Variants in PODXL observed in about 807,000 individuals in gnomAD.
PODXL encodes the protein podocalyxin.
PODXL carries 20 observed loss-of-function variants against 48.9 expected under a neutral mutation model. That is an observed-to-expected ratio of 0.41 (90% CI 0.29 to 0.59). The LOEUF is 0.59. Among genes scored for constraint, PODXL ranks in the 20% least tolerant of loss-of-function variants. PODXL has a pLI of 0.31. For missense variants in PODXL, 606 were observed against 675.1 expected (o/e 0.90, Z 1.13); for synonymous variants, 295 against 287.4 (o/e 1.03, Z -0.27).
In PODXL at chr7:131,505,948, C is replaced by T. The variant is rs769926911; in HGVS notation, c.1399G>A (p.Val467Ile). ...RFSMPLIITIVCMASFLLLVA... is the reference protein window; with the variant it reads ...RFSMPLIITIICMASFLLLVA... ...AGGAGCAGGAATGATGCCATGCAGA[C>T]GATGGTGATGATGAGGGGCATGCTG... The change falls in exon 8 of 9, where the codon GTC (valine) becomes ATC (isoleucine). Residue 467 changes from valine (V) to isoleucine (I), a missense_variant. Physicochemically the swap from Val to Ile is conservative, Grantham distance 29 (BLOSUM62 3). Coordinates refer to ENST00000378555, the MANE Select transcript of PODXL (RefSeq NM_001018111.3). The T allele has an allele frequency of 2.1e-5, 33 of 1,606,448 alleles. No homozygotes were observed. Among genetic ancestry groups the T allele is most frequent in the Admixed American group, 1.0e-4 (6 of 58,722 alleles).
In PODXL at chr7:131,506,055, G is replaced by T; in HGVS notation, c.1312-20C>A. On this transcript the variant is annotated intron_variant, in intron 7 of 8. Transcript: ENST00000378555. ...CCCTGCCTGCATGGGAAGTGGCAGA[G>T]AACAGGCTGGGGGCATCCTCTCTCC... is the stretch of plus-strand genomic sequence containing the variant. 6.2e-7 allele frequency: 1 copy of T among 1,604,438 alleles called. No individual in the cohort carries two copies. The highest frequency in any genetic ancestry group is 8.5e-7 in the Non-Finnish European group (1 of 1,175,006).
At chr7:131,524,347 A>AACACACACACAC (rs1222175582) in intron 1 of PODXL, among the ~76,000 whole-genome samples, 109 of 59,190 alleles carry the variant, frequency 1.8e-3, no homozygotes, top group African/African-American at 4.4e-3. Flanking sequence ...TTCAATAGGA[A>AACACACACACAC]ACACACACAC....
In PODXL at chr7:131,501,676, C is replaced by CT. The variant is rs975125477; in HGVS notation, c.*2634dup. The CT allele has an allele frequency of 2.6e-5, 4 of 152,182 alleles. No homozygotes were observed. The highest frequency in any genetic ancestry group is 9.7e-5 in the African/African-American group (4 of 41,440). 9.4% of individuals were successfully genotyped at this position (152,182 alleles called of 1,614,324 possible). On this transcript the variant is annotated 3_prime_UTR_variant, in exon 9 of 9. Coordinates refer to ENST00000378555, the MANE Select transcript of PODXL (RefSeq NM_001018111.3). ...TACCACTGAAAGAGCTGATGATAAACTGTCTTTGCTACAACCTGTTTAAGT... is the reference window on the plus strand; with the variant it reads ...TACCACTGAAAGAGCTGATGATAAACTTGTCTTTGCTACAACCTGTTTAAGT...
chr7:131,520,187 C>G (rs1050327957), intron 1 of PODXL: 3 of 304,460 alleles, frequency 9.9e-6, no homozygotes, highest in African/African-American at 2.2e-5. Flanking sequence ...CTACCATCAA[C>G]GAGGTGGTGA....
At chr7:131,504,679 C>T (rs1271124288) in intron 8 of PODXL, among the ~76,000 whole-genome samples, 171 bp from the exon 9 acceptor site, 2 of 152,148 alleles carry the variant, frequency 1.3e-5, no homozygotes, top group Admixed American at 1.3e-4. Flanking sequence ...CTCAGCCTGC[C>T]CGGAACTAGT....
At chr7:131,520,129 T>G in intron 1 of PODXL, 1 of 228,040 alleles carries the variant, frequency 4.4e-6, no homozygotes, top group East Asian at 1.2e-4. Context: ...CCAACTTGGG[T>G]GCGGTAAAAT....
chr7:131,506,365 A>G (rs1562902232), intron 6 of PODXL, 44 bp from the exon 7 acceptor site: 10 of 1,600,080 alleles, frequency 6.2e-6, no homozygotes, highest in Non-Finnish European at 8.6e-6. Context: ...GCCCAGAGCG[A>G]GGCAGTGGGG....
At chr7:131,554,012 G>A (rs78453618) in intron 1 of PODXL, among the ~76,000 whole-genome samples, 3,099 of 152,278 alleles carry the variant, frequency 0.02, 51 homozygotes, top group South Asian at 0.042. Flanking sequence ...GTAAGCTGGG[G>A]GAGAGGGGCA....
At position 131,508,972 on chromosome 7, in the gene PODXL, GT is replaced by G; in HGVS notation, c.1079del (p.Asn360ThrfsTer17). On this transcript the variant is annotated frameshift_variant, in exon 5 of 9. Transcript: ENST00000378555. LOFTEE classifies it high-confidence loss of function. ...TCACACAGAGGGTGTTTCCTGTGAG[GT>G]TCAGGACGAGCTGCTTCTCACTCTG... is the stretch of plus-strand genomic sequence containing the variant. ...QTQSEKQLVL[N>X]LTGNTLCAGG... The G allele has an allele frequency of 6.2e-7, 1 of 1,613,814 alleles. No homozygotes were observed. The highest frequency in any genetic ancestry group is 8.5e-7 in the Non-Finnish European group (1 of 1,179,710).
In PODXL at chr7:131,505,944, C is replaced by G. The variant is rs1190478537; in HGVS notation, c.1403G>C (p.Cys468Ser). ...CACGAGGAGCAGGAATGATGCCATG[C>G]AGACGATGGTGATGATGAGGGGCAT... ...FSMPLIITIV[C>S]MASFLLLVAA... Residue 468 changes from cysteine (C) to serine (S), a missense_variant, in exon 8 of 9, where the codon TGC (cysteine) becomes TCC (serine). Transcript: ENST00000378555. 6.2e-7 allele frequency: 1 copy of G among 1,605,092 alleles called. No individual in the cohort carries two copies.
At chr7:131,536,625 C>T (rs1216922685) in intron 1 of PODXL, among the ~76,000 whole-genome samples, 14 of 152,130 alleles carry the variant, frequency 9.2e-5, no homozygotes, top group Admixed American at 8.5e-4. Flanking sequence ...TTCTCCTGGG[C>T]CTCTCCCTGC....
intron 1 of PODXL, chr7:131,520,109 T>C (rs879587386): frequency 6.2e-5 from 14 of 226,750 alleles, no homozygotes; most frequent in Non-Finnish European, 1.1e-4. Flanking sequence ...CATAAAGAAA[T>C]TGAGCCTTTC....
At chr7:131,533,840 C>A (rs1412554823) in intron 1 of PODXL, among the ~76,000 whole-genome samples, 2 of 152,198 alleles carry the variant, frequency 1.3e-5, no homozygotes, top group African/African-American at 4.8e-5. Context: ...CACACACAAG[C>A]TGTATAACCA....
intron 1 of PODXL, chr7:131,520,290 C>T: frequency 1.9e-6 from 1 of 513,120 alleles, no homozygotes; most frequent in Non-Finnish European, 3.8e-6. Context: ...CAGAAATTTG[C>T]CATGAAAGAG....
At chr7:131,519,534 C>A (rs1254743985) in intron 1 of PODXL, among the ~76,000 whole-genome samples, 1 of 150,638 alleles carries the variant, frequency 6.6e-6, no homozygotes, top group East Asian at 1.9e-4. Flanking sequence ...ATATCAAAAT[C>A]AAAAATTGTT....
intron 1 of PODXL, among the ~76,000 whole-genome samples, chr7:131,526,927 T>C (rs1042537376): frequency 1.3e-5 from 2 of 151,830 alleles, no homozygotes; most frequent in African/African-American, 4.8e-5. Context: ...TTAGTAGAGA[T>C]GGGGTTTCAC....
At chr7:131,527,994 C>G (rs1046121592) in intron 1 of PODXL, among the ~76,000 whole-genome samples, 5 of 150,752 alleles carry the variant, frequency 3.3e-5, no homozygotes, top group Non-Finnish European at 7.4e-5. Flanking sequence ...ACCTCTCTCT[C>G]CTGGGTTCAA....
chr7:131,524,884 C>T (rs1798155380), intron 1 of PODXL, among the ~76,000 whole-genome samples: 1 of 151,800 alleles, frequency 6.6e-6, no homozygotes, highest in South Asian at 2.1e-4. Flanking sequence ...ATTATATAGC[C>T]ATATAATGAC....
At chr7:131,530,214 C>T (rs1798253942) in intron 1 of PODXL, among the ~76,000 whole-genome samples, 2 of 142,402 alleles carry the variant, frequency 1.4e-5, no homozygotes, top group Admixed American at 7.9e-5. Context: ...GGCCATTGTA[C>T]ACTGGCCTTT....
Sources: allele counts gnomAD v4.1 joint callset (sites outside exome capture counted in the v4.1 genomes callset), GRCh38; gene constraint gnomAD v4.1.1; transcripts MANE v1.5; gene names NCBI Gene and HGNC (gene_info 2026-07-23, HGNC 2026-07-21).